Variants in LOC400499 observed in about 807,000 individuals in gnomAD.
chr16:11,497,453 G>C, the LOC400499 span, among the ~76,000 whole-genome samples: 30 of 152,260 alleles, frequency 2.0e-4, no homozygotes, highest in African/African-American at 7.2e-4. Flanking sequence ...CGGCACATGG[G>C]AGGGGCCGCC....
the LOC400499 span, among the ~76,000 whole-genome samples, chr16:11,466,168 T>C: frequency 6.6e-6 from 1 of 152,092 alleles, no homozygotes; most frequent in Non-Finnish European, 1.5e-5. Context: ...GTGCTGACTG[T>C]GTGCATAGAT....
chr16:11,408,260 G>C, the LOC400499 span, among the ~76,000 whole-genome samples: 1 of 152,044 alleles, frequency 6.6e-6, no homozygotes, highest in African/African-American at 2.4e-5. Flanking sequence ...TGGATTACGG[G>C]TGTGAGCTAC....
the LOC400499 span, among the ~76,000 whole-genome samples, chr16:11,379,991 T>A: frequency 1.3e-5 from 2 of 152,168 alleles, no homozygotes; most frequent in Non-Finnish European, 2.9e-5. Context: ...AGGGTCTCAC[T>A]CTGTCACCCA....
At chr16:11,504,227 G>C in the LOC400499 span, among the ~76,000 whole-genome samples, 1 of 152,184 alleles carries the variant, frequency 6.6e-6, no homozygotes, top group East Asian at 1.9e-4. Flanking sequence ...GGCAGGCTAC[G>C]GATGGAGGCA....
At chr16:11,383,888 C>T in the LOC400499 span, 1 of 1,232,168 alleles carries the variant, frequency 8.1e-7, no homozygotes, top group Non-Finnish European at 1.0e-6. Flanking sequence ...ACACTCACCA[C>T]CCGGAAGCAG....
the LOC400499 span, among the ~76,000 whole-genome samples, chr16:11,515,616 A>C: frequency 6.6e-6 from 1 of 151,080 alleles, no homozygotes; most frequent in African/African-American, 2.4e-5. Flanking sequence ...AGGAAGGAGG[A>C]CCAAGAAGAG....
chr16:11,378,788 A>G, the LOC400499 span, among the ~76,000 whole-genome samples: 1 of 152,184 alleles, frequency 6.6e-6, no homozygotes, highest in African/African-American at 2.4e-5. Context: ...AATGTATTAA[A>G]TCTTGCTTTG....
the LOC400499 span, chr16:11,407,146 T>G: frequency 2.5e-6 from 1 of 398,622 alleles, no homozygotes; most frequent in Admixed American, 4.4e-5. Flanking sequence ...CAAAGGGCTG[T>G]CCCAGAGGCC....
At chr16:11,405,929 G>C in the LOC400499 span, among the ~76,000 whole-genome samples, 2 of 152,152 alleles carry the variant, frequency 1.3e-5, no homozygotes, top group African/African-American at 2.4e-5. Flanking sequence ...CTCCAGCCCA[G>C]TGGCTCCTTG....
the LOC400499 span, among the ~76,000 whole-genome samples, chr16:11,497,995 G>A: frequency 2.0e-5 from 3 of 152,100 alleles, no homozygotes; most frequent in Non-Finnish European, 4.4e-5. Flanking sequence ...TTATTAAGCT[G>A]ATTTCACTTT....
the LOC400499 span, among the ~76,000 whole-genome samples, chr16:11,455,045 CA>C: frequency 6.6e-6 from 1 of 152,060 alleles, no homozygotes; most frequent in Non-Finnish European, 1.5e-5. Flanking sequence ...AAAAGTTTTG[CA>C]ATGCTGCTGA....
chr16:11,485,811 G>GTGGA, the LOC400499 span, among the ~76,000 whole-genome samples: 2 of 152,228 alleles, frequency 1.3e-5, no homozygotes, highest in Non-Finnish European at 2.9e-5. Flanking sequence ...TGACTGGTGA[G>GTGGA]TGGATGGATG....
At chr16:11,419,048 C>T in the LOC400499 span, among the ~76,000 whole-genome samples, 2 of 152,252 alleles carry the variant, frequency 1.3e-5, no homozygotes, top group South Asian at 2.1e-4. Flanking sequence ...TGTCTATAAT[C>T]CCAGTTACTC....
the LOC400499 span, chr16:11,522,148 G>C: frequency 6.8e-5 from 27 of 398,810 alleles, no homozygotes; most frequent in African/African-American, 5.1e-4. Context: ...ATGTCACCTT[G>C]AACCTGCAGC....
the LOC400499 span, among the ~76,000 whole-genome samples, chr16:11,437,802 G>A: frequency 6.6e-6 from 1 of 152,200 alleles, no homozygotes; most frequent in Non-Finnish European, 1.5e-5. Context: ...CTGGGAGGCA[G>A]AGGTTGCAGT....
the LOC400499 span, chr16:11,385,125 A>T: frequency 1.6e-6 from 2 of 1,231,580 alleles, no homozygotes; most frequent in East Asian, 3.2e-5. Context: ...CAAGCTTGAA[A>T]GTGCCATCCC....
the LOC400499 span, chr16:11,407,338 C>A: frequency 2.7e-6 from 1 of 364,930 alleles, no homozygotes; most frequent in Non-Finnish European, 4.8e-6. Context: ...AGTAGTGTAG[C>A]TGGGTCAGAA....
At chr16:11,524,361 G>T in the LOC400499 span, among the ~76,000 whole-genome samples, 4 of 93,740 alleles carry the variant, frequency 4.3e-5, no homozygotes, top group African/African-American at 1.9e-4. Flanking sequence ...CATCCACCCA[G>T]CCACCCACCC....
chr16:11,398,857 C>T, the LOC400499 span, among the ~76,000 whole-genome samples: 162 of 152,142 alleles, frequency 1.1e-3, no homozygotes, highest in Admixed American at 2.7e-3. Context: ...GATGGGGTTT[C>T]GCCATGTTGG....
Sources: allele counts gnomAD v4.1 joint callset (sites outside exome capture counted in the v4.1 genomes callset), GRCh38; gene constraint gnomAD v4.1.1; transcripts MANE v1.5.